Variants in NUFIP1 observed in about 807,000 individuals in gnomAD.
NUFIP1 encodes the protein nuclear FMR1 interacting protein 1, also known as FMR1-interacting protein NUFIP1.
In NUFIP1, 38 loss-of-function variants were observed where a neutral mutation model predicts 56.2. The ratio of observed to expected loss-of-function variants is 0.68; its 90% CI spans 0.52 to 0.89. The LOEUF (loss-of-function observed/expected upper bound fraction) is 0.89. NUFIP1 is among the 40% of genes least tolerant of loss of function. The probability of loss-of-function intolerance (pLI) is 0.00; values close to 1 mark genes in which losing one functional copy is unlikely to be tolerated. For synonymous variants in NUFIP1, 215 were observed against 212.4 expected, an observed-to-expected ratio of 1.01 and a Z score of -0.10; for missense variants, 567 against 605.8, an observed-to-expected ratio of 0.94 and a Z score of 0.67.
In NUFIP1 at chr13:44,980,793, A is replaced by G; in HGVS notation, c.523T>C (p.Phe175Leu). The change falls in exon 3 of 10, where the codon TTT becomes CTT. Residue 175 changes from phenylalanine (F) to leucine (L), a missense_variant. By Grantham distance (22) the Phe-to-Leu change is conservative (BLOSUM62 0). Coordinates refer to ENST00000379161, the MANE Select transcript of NUFIP1 (RefSeq NM_012345.3). ...AAACCACGATCACAGGTATCACAAAAAAAGTGAAAAACTGGTTCCTTTCTT... is the reference window on the plus strand; with the variant it reads ...AAACCACGATCACAGGTATCACAAAGAAAGTGAAAAACTGGTTCCTTTCTT... The part of the protein sequence containing the change: ...KKRKEPVFHF[F>L]CDTCDRGFKN... 1 of 1,604,496 alleles carries G rather than the reference A, an allele frequency of 6.2e-7. No homozygotes were observed. The highest frequency in any genetic ancestry group is 8.5e-7 in the Non-Finnish European group (1 of 1,178,148).
chr13:44,989,422 A>C lies in NUFIP1; in HGVS notation c.15T>G (p.Thr5=). 6.2e-7 allele frequency: 1 copy of C among 1,613,448 alleles called. No individual in the cohort carries two copies. The highest frequency in any genetic ancestry group is 8.5e-7 in the Non-Finnish European group (1 of 1,179,788). Residue 5 remains threonine, a synonymous_variant, in exon 1 of 10, where the codon ACT becomes ACG. Transcript: ENST00000379161. ...ACCCGATAGGAGTCTCGAAATCACT[A>C]GTCGGCTCAGCCATACCACTGGCGG... is the stretch of plus-strand genomic sequence containing the variant. The part of the protein sequence containing the change: MAEP[T]SDFETPIGWH...
chr13:44,954,311 CCT>C (rs1192845132), intron 7 of NUFIP1, among the ~76,000 whole-genome samples: 5 of 152,108 alleles, frequency 3.3e-5, no homozygotes, highest in Admixed American at 2.6e-4. Context: ...GTAAATCTCA[CCT>C]CTCTCGTATA....
intron 1 of NUFIP1, among the ~76,000 whole-genome samples, chr13:44,985,449 G>C (rs1245655198): frequency 6.6e-6 from 1 of 152,054 alleles, no homozygotes; most frequent in Admixed American, 6.5e-5. Context: ...ACTGCACTTC[G>C]TTTTACACAG....
intron 5 of NUFIP1, among the ~76,000 whole-genome samples, chr13:44,974,332 G>A (rs1334463562): frequency 6.6e-6 from 1 of 152,172 alleles, no homozygotes; most frequent in African/African-American, 2.4e-5. Context: ...ATCGACAAGA[G>A]CAGCCGAAGT....
chr13:44,987,971 C>T (rs1347358445), intron 1 of NUFIP1, among the ~76,000 whole-genome samples: 1 of 152,222 alleles, frequency 6.6e-6, no homozygotes, highest in African/African-American at 2.4e-5. Flanking sequence ...GGTTCCCATT[C>T]TGATGTATAG....
At chr13:44,967,107 G>A (rs1871631566) in intron 5 of NUFIP1, among the ~76,000 whole-genome samples, 1 of 152,018 alleles carries the variant, frequency 6.6e-6, no homozygotes, top group Admixed American at 6.6e-5. Context: ...GGGGGGTAGG[G>A]GTGGAATGGA....
At chr13:44,966,999 TA>T (rs543867060) in intron 5 of NUFIP1, among the ~76,000 whole-genome samples, 9 of 148,252 alleles carry the variant, frequency 6.1e-5, no homozygotes, top group African/African-American at 1.2e-4. Context: ...AATAAATAAA[TA>T]AAATAAAATA....
At chr13:44,988,783 C>G (rs1872533479) in intron 1 of NUFIP1, among the ~76,000 whole-genome samples, 1 of 152,158 alleles carries the variant, frequency 6.6e-6, no homozygotes, top group African/African-American at 2.4e-5. Context: ...CCTCGACTTC[C>G]TGGGTTCAAG....
At chr13:44,958,467 T>C in intron 7 of NUFIP1, among the ~76,000 whole-genome samples, 1 of 152,188 alleles carries the variant, frequency 6.6e-6, no homozygotes, top group South Asian at 2.1e-4. Context: ...AATTTTATCT[T>C]CTACTTAGCC....
At chr13:44,953,828 G>A (rs1871148583) in intron 7 of NUFIP1, among the ~76,000 whole-genome samples, 1 of 152,144 alleles carries the variant, frequency 6.6e-6, no homozygotes, top group Admixed American at 6.6e-5. Flanking sequence ...GAGTGTCAAA[G>A]CTCACTATAC....
intron 6 of NUFIP1, among the ~76,000 whole-genome samples, chr13:44,964,331 ATCC>A (rs1447472687): frequency 1.3e-5 from 2 of 152,224 alleles, no homozygotes; most frequent in East Asian, 3.8e-4. Flanking sequence ...GACTGAATTT[ATCC>A]TCCTACCTGA....
At chr13:44,979,359 G>T in intron 4 of NUFIP1, 93 bp from the exon 5 acceptor site, 2 of 993,480 alleles carry the variant, frequency 2.0e-6, no homozygotes, top group Non-Finnish European at 1.5e-6. Flanking sequence ...ACTTATGTTG[G>T]ACACAATTTT....
intron 8 of NUFIP1, among the ~76,000 whole-genome samples, chr13:44,944,301 G>A (rs182875842): frequency 1.5e-4 from 23 of 152,194 alleles, no homozygotes; most frequent in Admixed American, 1.4e-3. Flanking sequence ...CATGAACGCC[G>A]AAAGTCTGTA....
intron 7 of NUFIP1, among the ~76,000 whole-genome samples, chr13:44,956,012 G>A (rs1455159077): frequency 5.3e-5 from 8 of 151,514 alleles, no homozygotes; most frequent in African/African-American, 7.3e-5. Context: ...GCGAGGTGGC[G>A]GGCGCCTGTA....
chr13:44,967,794 C>A (rs190312432), intron 5 of NUFIP1, among the ~76,000 whole-genome samples: 2 of 152,078 alleles, frequency 1.3e-5, no homozygotes, highest in African/African-American at 4.8e-5. Context: ...GATGCAGACA[C>A]CAAACTTTCA....
chr13:44,957,214 T>G (rs1256027767), intron 7 of NUFIP1, among the ~76,000 whole-genome samples: 2 of 152,164 alleles, frequency 1.3e-5, no homozygotes, highest in African/African-American at 4.8e-5. Context: ...GATTTCTCTT[T>G]CTTTTTTCTT....
chr13:44,945,609 G>A (rs527788753), intron 8 of NUFIP1, among the ~76,000 whole-genome samples: 1 of 152,042 alleles, frequency 6.6e-6, no homozygotes, highest in East Asian at 1.9e-4. Flanking sequence ...TATTAAAAGG[G>A]TAATAGACCA....
intron 7 of NUFIP1, among the ~76,000 whole-genome samples, chr13:44,953,900 T>C (rs1422932965): frequency 6.6e-6 from 1 of 152,196 alleles, no homozygotes; most frequent in Non-Finnish European, 1.5e-5. Context: ...CCCTATTTTT[T>C]CTTCTCCACT....
rs764803284 is a variant in NUFIP1 at position 44,989,299 on chromosome 13, C to T, written c.138G>A (p.Pro46=). ...SWMFWAMLPP[P]PPPLTSSLPA... is the part of the protein sequence containing the mutation. ...GAAGCGAGGACGTAAGTGGTGGTGG[C>T]GGTGGCGGCAGCATTGCCCAGAACA... The change falls in exon 1 of 10, where the codon CCG becomes CCA. Residue 46 remains proline (P), a synonymous_variant. Transcript: ENST00000379161. The T allele has an allele frequency of 6.2e-7, 1 of 1,613,088 alleles. No individual in the cohort carries two copies. The highest frequency in any genetic ancestry group is 8.5e-7 in the Non-Finnish European group (1 of 1,179,716).
Sources: allele counts gnomAD v4.1 joint callset (sites outside exome capture counted in the v4.1 genomes callset), GRCh38; gene constraint gnomAD v4.1.1; transcripts MANE v1.5; gene names NCBI Gene and HGNC (gene_info 2026-07-23, HGNC 2026-07-21).